LPAR2: variants seen among roughly 807,000 people sequenced by gnomAD.
The protein encoded by LPAR2 is G protein-coupled receptor.
LPAR2 carries 10 observed loss-of-function variants against 15.6 expected under a neutral mutation model. The observed-to-expected ratio is 0.64, with a 90% CI of 0.39 to 1.09. LPAR2 has a LOEUF of 1.09. Among genes scored for constraint, LPAR2 ranks in the 50% least tolerant of loss-of-function variants. The pLI is 0.01. For missense variants in LPAR2, 413 were observed against 484.6 expected, an observed-to-expected ratio of 0.85 and a Z score of 1.39; for synonymous variants, 204 against 207.4, an observed-to-expected ratio of 0.98 and a Z score of 0.14.
rs1308767714 is a variant in LPAR2 at position 19,627,091 on chromosome 19, T to A, written c.194A>T (p.Gln65Leu). ...ATTGCCGAGCAGGTAGTAGATGGGC[T>A]GGTGGAAGCGGCGGTTGGAGGCGAT... Residue 65 changes from glutamine (Q) to leucine (L), a missense_variant, in exon 2 of 3, where the codon CAG becomes CTG. By Grantham distance (113) the Gln-to-Leu change is moderately radical. Coordinates refer to ENST00000407877, the MANE Select transcript of LPAR2 (RefSeq NM_004720.7). This position sits in a 1 kb window ranked among gnomAD's most constrained non-coding sequence, Gnocchi z 4.7. The A allele has an allele frequency of 2.5e-6, 4 of 1,613,440 alleles. No individual in the cohort carries two copies. In the South Asian group the frequency reaches 4.4e-5, roughly 18 times the overall value.
rs557173160 is a variant in LPAR2 at position 19,624,305 on chromosome 19, C to A, written c.1007G>T (p.Arg336Leu). 1.2e-6 allele frequency: 2 copies of A among 1,612,352 alleles called. No individual in the cohort carries two copies. Among genetic ancestry groups the A allele is most frequent in the African/African-American group, 1.3e-5 (1 of 74,902 alleles). The stretch of plus-strand genomic sequence containing the variant: ...GTGGCCGTTCTCGGGAAGCATGATG[C>A]GAGTGCTGGCACCTCCCTGGGCAGA... Residue 336 changes from arginine to leucine, a missense_variant, in exon 3 of 3, where the codon CGC (arginine) becomes CTC (leucine). By Grantham distance (102) the Arg-to-Leu change is moderately radical. Coordinates refer to ENST00000407877, the MANE Select transcript of LPAR2 (RefSeq NM_004720.7).
Position 19,626,855 on chromosome 19 carries a change from G to A in LPAR2, c.430C>T (p.Arg144Cys), listed in dbSNP as rs755994091. Residue 144 changes from arginine to cysteine, a missense_variant, in exon 2 of 3, where the codon CGT becomes TGT. Arg to Cys is a radical substitution (Grantham distance 180). Coordinates refer to ENST00000407877, the MANE Select transcript of LPAR2 (RefSeq NM_004720.7). This position sits in a 1 kb window ranked among gnomAD's most constrained non-coding sequence, Gnocchi z 5.3. ...ACAATGAGCATGACCACGCGGCCAC[G>A]GGGCAGGCGGCTGTGCAGCTGCACG... 9 of 1,593,108 alleles carry A rather than the reference G, an allele frequency of 5.6e-6. No individual in the cohort carries two copies. The South Asian group carries it at 7.9e-5, about 14-fold the overall frequency.
At position 19,626,615 on chromosome 19, in the gene LPAR2, C is replaced by G. The variant is rs983404988; in HGVS notation, c.670G>C (p.Glu224Gln). The change falls in exon 2 of 3, where the codon GAG becomes CAG. Residue 224 changes from glutamate to glutamine, a missense_variant. Glu to Gln is a conservative substitution (Grantham distance 29). Coordinates refer to ENST00000407877, the MANE Select transcript of LPAR2 (RefSeq NM_004720.7). The surrounding 1 kb of genome is among the most constrained non-coding windows in gnomAD (Gnocchi z 5.3). Reference sequence around the variant, plus strand: ...TAGCGGGGGTGGCAGCTGACATGCTCTGCCATGCGCTGCACTCGCCGCCGC... The same window carrying G: ...TAGCGGGGGTGGCAGCTGACATGCTGTGCCATGCGCTGCACTCGCCGCCGC... The G allele has an allele frequency of 1.2e-6, 2 of 1,613,184 alleles. No individual in the cohort carries two copies. The highest frequency in any genetic ancestry group is 2.7e-5 in the African/African-American group (2 of 74,934).
At position 19,626,592 on chromosome 19, in the gene LPAR2, G is replaced by C; in HGVS notation, c.693C>G (p.Arg231=). ...CCAGGCTGAGCGTGGTCTCTCGGTA[G>C]CGGGGGTGGCAGCTGACATGCTCTG... The change falls in exon 2 of 3, where the codon CGC becomes CGG. Residue 231 remains arginine (R), a synonymous_variant. Coordinates refer to ENST00000407877, the MANE Select transcript of LPAR2 (RefSeq NM_004720.7). The surrounding 1 kb of genome is among the most constrained non-coding windows in gnomAD (Gnocchi z 5.3). 2 of 1,613,022 alleles carry C rather than the reference G, an allele frequency of 1.2e-6. No individual in the cohort carries two copies. Among genetic ancestry groups the C allele is most frequent in the Non-Finnish European group, 1.7e-6 (2 of 1,179,888 alleles).
In LPAR2 at chr19:19,626,921, G is replaced by A; in HGVS notation, c.364C>T (p.Leu122=). Residue 122 remains leucine, a synonymous_variant, in exon 2 of 3, where the codon CTG becomes TTG. Coordinates refer to ENST00000407877, the MANE Select transcript of LPAR2 (RefSeq NM_004720.7). The surrounding 1 kb of genome is among the most constrained non-coding windows in gnomAD (Gnocchi z 5.3). Reference sequence around the variant, plus strand: ...TGCCGCTCCACGGCGATGGCCAGCAGTGTGGCCACCGACGCAGTGAGGCTT... The same window carrying A: ...TGCCGCTCCACGGCGATGGCCAGCAATGTGGCCACCGACGCAGTGAGGCTT... 6.2e-7 allele frequency: 1 copy of A among 1,605,332 alleles called. No homozygotes were observed. Among genetic ancestry groups the A allele is most frequent in the Non-Finnish European group, 8.5e-7 (1 of 1,176,584 alleles).
chr19:19,627,249 G>T lies in LPAR2; in HGVS notation c.36C>A (p.Thr12=). The T allele has an allele frequency of 6.2e-7, 1 of 1,606,132 alleles. No homozygotes were observed. Among genetic ancestry groups the T allele is most frequent in the African/African-American group, 1.3e-5 (1 of 75,048 alleles). ...CACTGTTGTTATAGAAGAAGCCGAT[G>T]GTCTCGTTGTAGTAGCACTGGCCCA... The change falls in exon 2 of 3, where the codon ACC becomes ACA. Residue 12 remains threonine (T), a synonymous_variant. Coordinates refer to ENST00000407877, the MANE Select transcript of LPAR2 (RefSeq NM_004720.7). The surrounding 1 kb of genome is among the most constrained non-coding windows in gnomAD (Gnocchi z 4.7).
chr19:19,624,141 A>T lies in LPAR2; in HGVS notation c.*115T>A, dbSNP rs1473564565. 6 of 1,104,410 alleles carry T rather than the reference A, an allele frequency of 5.4e-6. No individual in the cohort carries two copies. Among genetic ancestry groups the T allele is most frequent in the Non-Finnish European group, 7.9e-6 (6 of 759,264 alleles). 68.4% of individuals were successfully genotyped at this position (1,104,410 alleles called of 1,614,324 possible). ...CCTGGCAGTGGTGCTGTGCCATGCC[A>T]GACCTTGTCCTGCCAGTCAGTCAGT... is the stretch of plus-strand genomic sequence containing the variant. On this transcript the variant is annotated 3_prime_UTR_variant, in exon 3 of 3. Transcript: ENST00000407877.
At position 19,623,667 on chromosome 19, in the gene LPAR2, CAG is replaced by C. The variant is rs1320712465; in HGVS notation, c.*587_*588del. The C allele has an allele frequency of 1.3e-5, 2 of 152,836 alleles. No individual in the cohort carries two copies. Among genetic ancestry groups the C allele is most frequent in the Non-Finnish European group, 2.9e-5 (2 of 68,516 alleles). The allele number at this position is 152,836 out of a possible 1,614,324, so 9.5% of individuals were successfully genotyped here. ...ATAACAACAAATGTTTTGGAGACCTCAGAGTGTAAAGAAAGGTTTACTCCTTG... is the reference window on the plus strand; with the variant it reads ...ATAACAACAAATGTTTTGGAGACCTCAGTGTAAAGAAAGGTTTACTCCTTG... On this transcript the variant is annotated 3_prime_UTR_variant, in exon 3 of 3. Coordinates refer to ENST00000407877, the MANE Select transcript of LPAR2 (RefSeq NM_004720.7).
rs751130391 is a variant in LPAR2 at position 19,627,060 on chromosome 19, G to C, written c.225C>G (p.Ala75=). 6.2e-6 allele frequency: 10 copies of C among 1,613,560 alleles called. No homozygotes were observed. The highest frequency in any genetic ancestry group is 1.3e-5 in the African/African-American group (1 of 74,930). ...CCACGCCCGCGAAGAGGTCAGCCGC[G>C]GCCAGATTGCCGAGCAGGTAGTAGA... Residue 75 remains alanine (A), a synonymous_variant, in exon 2 of 3, where the codon GCC becomes GCG. Coordinates refer to ENST00000407877, the MANE Select transcript of LPAR2 (RefSeq NM_004720.7). This position sits in a 1 kb window ranked among gnomAD's most constrained non-coding sequence, Gnocchi z 4.7.
At chr19:19,624,835 G>A in intron 2 of LPAR2, among the ~76,000 whole-genome samples, 1 of 149,200 alleles carries the variant, frequency 6.7e-6, no homozygotes, top group East Asian at 2.0e-4. Context: ...GTGTGTGTGA[G>A]ATGGAGTCTC....
chr19:19,624,110 G>A lies in LPAR2; in HGVS notation c.*146C>T, dbSNP rs1391106009. On this transcript the variant is annotated 3_prime_UTR_variant, in exon 3 of 3. Coordinates refer to ENST00000407877, the MANE Select transcript of LPAR2 (RefSeq NM_004720.7). The stretch of plus-strand genomic sequence containing the variant: ...TTCCCTGGGCAGAGTGGTGTGCCTG[G>A]GGAGGCCTGGCAGTGGTGCTGTGCC... 1.8e-5 allele frequency: 14 copies of A among 790,166 alleles called. No individual in the cohort carries two copies. 48.9% of individuals were successfully genotyped at this position (790,166 alleles called of 1,614,324 possible). A position where few individuals can be genotyped will look rare whatever the true frequency, so the allele number is the denominator to read the frequency against.
In LPAR2 at chr19:19,624,381, A is replaced by C; in HGVS notation, c.931T>G (p.Cys311Gly). 6.2e-7 allele frequency: 1 copy of C among 1,614,206 alleles called. No individual in the cohort carries two copies. Among genetic ancestry groups the C allele is most frequent in the Non-Finnish European group, 8.5e-7 (1 of 1,180,040 alleles). The change falls in exon 3 of 3, where the codon TGC becomes GGC. Residue 311 changes from cysteine (C) to glycine (G), a missense_variant. Cys to Gly is a radical substitution (Grantham distance 159). Coordinates refer to ENST00000407877, the MANE Select transcript of LPAR2 (RefSeq NM_004720.7). ...GTGGACTGGCGGAGGCACGCGCAGC[A>C]GAGAAGGCGGCGGAAGGTGCGGCGC...
In LPAR2 at chr19:19,627,710, G is replaced by T; in HGVS notation, c.-1+382C>A. 4.7e-6 allele frequency: 1 copy of T among 213,782 alleles called. No individual in the cohort carries two copies. The highest frequency in any genetic ancestry group is 6.8e-5 in the South Asian group (1 of 14,718). 13.2% of individuals were successfully genotyped at this position (213,782 alleles called of 1,614,324 possible). Reference sequence around the variant, plus strand: ...TTTGGTGCCGGAGTCAGTGTAGGGAGCAGAGACCCGGGAGCGTGTGCACAC... The same window carrying T: ...TTTGGTGCCGGAGTCAGTGTAGGGATCAGAGACCCGGGAGCGTGTGCACAC... On this transcript the variant is annotated intron_variant, in intron 1 of 2. Coordinates refer to ENST00000407877, the MANE Select transcript of LPAR2 (RefSeq NM_004720.7). The surrounding 1 kb of genome is among the most constrained non-coding windows in gnomAD (Gnocchi z 4.7).
In LPAR2 at chr19:19,627,152, G is replaced by A. The variant is rs772223204; in HGVS notation, c.133C>T (p.Leu45=). The A allele has an allele frequency of 1.2e-6, 2 of 1,613,234 alleles. No homozygotes were observed. The highest frequency in any genetic ancestry group is 1.7e-5 in the Admixed American group (1 of 59,996). ...ACCAGCAGATTGGTCAGCAGCACCA[G>A]CACGCTGACGGTCAGCCCCAGTGCC... Residue 45 remains leucine, a synonymous_variant, in exon 2 of 3, where the codon CTG becomes TTG. Coordinates refer to ENST00000407877, the MANE Select transcript of LPAR2 (RefSeq NM_004720.7). This position sits in a 1 kb window ranked among gnomAD's most constrained non-coding sequence, Gnocchi z 4.7.
In LPAR2 at chr19:19,627,038, C is replaced by T. The variant is rs1269503026; in HGVS notation, c.247G>A (p.Val83Met). The change falls in exon 2 of 3, where the codon GTG becomes ATG. Residue 83 changes from valine to methionine, a missense_variant. Transcript: ENST00000407877. The surrounding 1 kb of genome is among the most constrained non-coding windows in gnomAD (Gnocchi z 4.7). ...TGGAACATGAGGAAGAGGTAGGCCACGCCCGCGAAGAGGTCAGCCGCGGCC... is the reference window on the plus strand; with the variant it reads ...TGGAACATGAGGAAGAGGTAGGCCATGCCCGCGAAGAGGTCAGCCGCGGCC... 5 of 1,613,654 alleles carry T rather than the reference C, an allele frequency of 3.1e-6. No individual in the cohort carries two copies. Among genetic ancestry groups the T allele is most frequent in the South Asian group, 1.1e-5 (1 of 91,060 alleles).
Position 19,626,644 on chromosome 19 carries a change from TAGA to T in LPAR2, c.638_640del (p.Phe213del). 6.2e-7 allele frequency: 1 copy of T among 1,613,232 alleles called. No individual in the cohort carries two copies. Among genetic ancestry groups the T allele is most frequent in the South Asian group, 1.1e-5 (1 of 91,068 alleles). On this transcript the variant is annotated inframe_deletion, in exon 2 of 3. Transcript: ENST00000407877. The surrounding 1 kb of genome is among the most constrained non-coding windows in gnomAD (Gnocchi z 5.3). ...CATGCGCTGCACTCGCCGCCGCACG[TAGA>T]AGAAAATGCGGGTGTACACAGCCAC...
rs949158824 is a variant in LPAR2 at position 19,626,398 on chromosome 19, T to C, written c.742+145A>G. The stretch of plus-strand genomic sequence containing the variant: ...GCATTCAGGCCTCTGCTCACATACA[T>C]TATCACCTCCTTGGAGGACATTCCC... On this transcript the variant is annotated intron_variant, in intron 2 of 2. Transcript: ENST00000407877. The surrounding 1 kb of genome is among the most constrained non-coding windows in gnomAD (Gnocchi z 5.3). The C allele has an allele frequency of 9.5e-7, 1 of 1,052,192 alleles. No homozygotes were observed. Among genetic ancestry groups the C allele is most frequent in the Non-Finnish European group, 1.4e-6 (1 of 713,850 alleles). 65.2% of individuals were successfully genotyped at this position (1,052,192 alleles called of 1,614,324 possible).
In LPAR2 at chr19:19,626,934, C is replaced by T. The variant is rs139908332; in HGVS notation, c.351G>A (p.Ala117=). 525 of 1,606,978 alleles carry T rather than the reference C, an allele frequency of 3.3e-4. No individual in the cohort carries two copies. The highest frequency in any genetic ancestry group is 4.2e-4 in the Non-Finnish European group (495 of 1,177,384). Residue 117 remains alanine (A), a synonymous_variant, in exon 2 of 3, where the codon GCG becomes GCA. Transcript: ENST00000407877. The surrounding 1 kb of genome is among the most constrained non-coding windows in gnomAD (Gnocchi z 5.3). ...CGATGGCCAGCAGTGTGGCCACCGA[C>T]GCAGTGAGGCTTGTGTCCAGCAAGC...
In LPAR2 at chr19:19,623,873, G is replaced by C; in HGVS notation, c.*383C>G. On this transcript the variant is annotated 3_prime_UTR_variant, in exon 3 of 3. Transcript: ENST00000407877. ...TCTGTCCTCATTACCCAGTCATACC[G>C]GGTAGCATGGCCCGAGAGAGCCCTT... 1 of 212,602 alleles carries C rather than the reference G, an allele frequency of 4.7e-6. No individual in the cohort carries two copies. The highest frequency in any genetic ancestry group is 9.5e-6 in the Non-Finnish European group (1 of 105,044). The allele number at this position is 212,602 out of a possible 1,614,324, so 13.2% of individuals were successfully genotyped here.
Sources: allele counts gnomAD v4.1 joint callset (sites outside exome capture counted in the v4.1 genomes callset), GRCh38; gene constraint gnomAD v4.1.1; non-coding constraint Gnocchi (gnomAD v3.1); transcripts MANE v1.5; gene names NCBI Gene and HGNC (gene_info 2026-07-23, HGNC 2026-07-21).